The following NUP188 variants were observed in gnomAD, a reference collection of about 807,000 sequenced individuals.
NUP188 encodes nucleoporin NUP188.
In NUP188, 97 loss-of-function variants were observed where a neutral mutation model predicts 223.0. The ratio of observed to expected loss-of-function variants is 0.43; its 90% CI spans 0.37 to 0.51. The LOEUF (loss-of-function observed/expected upper bound fraction) is 0.51, where lower values mean the gene tolerates loss of function less well. Among genes scored for constraint, NUP188 ranks in the 20% least tolerant of loss-of-function variants. The pLI, the probability that NUP188 is intolerant of heterozygous loss-of-function variation, is 0.00. For synonymous variants in NUP188, 869 were observed against 828.0 expected, an observed-to-expected ratio of 1.05 and a Z score of -0.85; for missense variants, 1,947 against 2,175.6, an observed-to-expected ratio of 0.89 and a Z score of 2.09.
chr9:128,968,660 G>C lies in NUP188; in HGVS notation c.740G>C (p.Arg247Thr). 1 of 1,614,160 alleles carries C rather than the reference G, an allele frequency of 6.2e-7. No individual in the cohort carries two copies. Residue 247 changes from arginine (R) to threonine (T), a missense_variant, in exon 9 of 44, where the codon AGG becomes ACG. By Grantham distance (71) the Arg-to-Thr change is moderately conservative. Coordinates refer to ENST00000372577, the MANE Select transcript of NUP188 (RefSeq NM_015354.3). ...TTTAAAGAGCAAGGATTTGGTAGTA[G>C]GCAGACCAATAGGCACCTGGTGGAT... ...KMFKEQGFGS[R>T]QTNRHLVDET...
intron 2 of NUP188, among the ~76,000 whole-genome samples, chr9:128,952,130 G>A (rs930566817): frequency 7.2e-5 from 11 of 152,076 alleles, no homozygotes; most frequent in African/African-American, 2.4e-4. Flanking sequence ...TGGGCCGGGC[G>A]CAGTGGCTCA....
Position 128,984,992 on chromosome 9 carries a change from G to A in NUP188, c.2054G>A (p.Arg685His), listed in dbSNP as rs370228654. The stretch of plus-strand genomic sequence containing the variant: ...TATGGGGTTACTATTGCCTTTCTGC[G>A]CTTGATCACCACCCTTGTCAAGGTA... ...GEYGVTIAFL[R>H]LITTLVKGQL... is the part of the protein sequence containing the mutation. The change falls in exon 20 of 44, where the codon CGC (arginine) becomes CAC (histidine). Residue 685 changes from arginine to histidine, a missense_variant. Arg to His is a conservative substitution (Grantham distance 29). This residue lies in a region of NUP188 where 817 missense variants were observed against 865.8 expected (regional missense o/e 0.94). Coordinates refer to ENST00000372577, the MANE Select transcript of NUP188 (RefSeq NM_015354.3). 57 of 1,612,556 alleles carry A rather than the reference G, an allele frequency of 3.5e-5. No individual in the cohort carries two copies. The highest frequency in any genetic ancestry group is 1.1e-4 in the South Asian group (10 of 90,930).
At chr9:128,970,592 A>G (rs930817889) in intron 10 of NUP188, among the ~76,000 whole-genome samples, 166 bp from the exon 11 acceptor site, 2 of 152,146 alleles carry the variant, frequency 1.3e-5, no homozygotes, top group African/African-American at 4.8e-5. Flanking sequence ...ATTGTAATTG[A>G]GGGGTTTATT....
In NUP188 at chr9:128,958,881, G is replaced by T. The variant is rs200892818; in HGVS notation, c.452G>T (p.Arg151Ile). Residue 151 changes from arginine (R) to isoleucine (I), a missense_variant, in exon 7 of 44, where the codon AGA becomes ATA. Physicochemically the swap from Arg to Ile is moderately conservative, Grantham distance 97 (BLOSUM62 -3). This residue lies in a region of NUP188 where 817 missense variants were observed against 865.8 expected (regional missense o/e 0.94). Transcript: ENST00000372577. ...LHLLTYFQDE[R>I]HPYRVEYADC... ...CTTCTCACTTACTTCCAAGATGAAAGACACCCCTATAGGGTAAGCTTGTTT... is the reference window on the plus strand; with the variant it reads ...CTTCTCACTTACTTCCAAGATGAAATACACCCCTATAGGGTAAGCTTGTTT... 1 of 1,597,490 alleles carries T rather than the reference G, an allele frequency of 6.3e-7. No individual in the cohort carries two copies. Among genetic ancestry groups the T allele is most frequent in the African/African-American group, 1.3e-5 (1 of 74,686 alleles).
intron 12 of NUP188, among the ~76,000 whole-genome samples, chr9:128,977,198 C>T (rs112928918): frequency 0.042 from 6,271 of 150,166 alleles, 416 homozygotes; most frequent in African/African-American, 0.14. Context: ...CGGCTCACTG[C>T]AAGCTCCGCC....
rs1841906882 is a variant in NUP188 at position 128,958,910 on chromosome 9, C to T, written c.465+16C>T. The T allele has an allele frequency of 1.3e-6, 2 of 1,520,486 alleles. No homozygotes were observed. Among genetic ancestry groups the T allele is most frequent in the East Asian group, 2.3e-5 (1 of 44,182 alleles). The allele number at this position is 1,520,486 out of a possible 1,614,324, so 94.2% of individuals were successfully genotyped here. On this transcript the variant is annotated intron_variant, in intron 7 of 43. Coordinates refer to ENST00000372577, the MANE Select transcript of NUP188 (RefSeq NM_015354.3). ...CCCCTATAGGGTAAGCTTGTTTAGT[C>T]CTCTTGCTTCTCTTTATACTGTATC...
At chr9:128,948,122 A>T (rs1050310941) in intron 1 of NUP188, 2 of 196,050 alleles carry the variant, frequency 1.0e-5, no homozygotes, top group South Asian at 1.9e-4. Flanking sequence ...CTCCTGGGGT[A>T]CCCCCCACCC....
intron 12 of NUP188, among the ~76,000 whole-genome samples, chr9:128,978,692 C>G (rs1842213699): frequency 6.6e-6 from 1 of 151,918 alleles, no homozygotes; most frequent in South Asian, 2.1e-4. Flanking sequence ...ACCAACCCAT[C>G]CACCCTTAAG....
intron 8 of NUP188, among the ~76,000 whole-genome samples, chr9:128,967,371 A>C (rs985873700): frequency 6.6e-6 from 1 of 152,154 alleles, no homozygotes; most frequent in Non-Finnish European, 1.5e-5. Context: ...ACATTGTTGC[A>C]GCTGGGTGTA....
Position 128,987,667 on chromosome 9 carries a change from G to A in NUP188, c.2343G>A (p.Met781Ile). The change falls in exon 23 of 44, where the codon ATG becomes ATA. Residue 781 changes from methionine (M) to isoleucine (I), a missense_variant. Met to Ile is a conservative substitution (Grantham distance 10). This residue lies in a region of NUP188 where 225 missense variants were observed against 319.1 expected (regional missense o/e 0.71). Coordinates refer to ENST00000372577, the MANE Select transcript of NUP188 (RefSeq NM_015354.3). ...CAGGACAGACAGTTATCAATATCAT[G>A]GGCATTGGCGTGGACACCATTGACA... ...TEAGQTVINIMGIGVDTIDMV... is the reference protein window; with the variant it reads ...TEAGQTVINIIGIGVDTIDMV... The A allele has an allele frequency of 6.2e-7, 1 of 1,614,038 alleles. No individual in the cohort carries two copies. The highest frequency in any genetic ancestry group is 8.5e-7 in the Non-Finnish European group (1 of 1,179,964).
chr9:128,999,073 G>C (rs958311023), intron 32 of NUP188, 99 bp from the exon 33 acceptor site: 51 of 919,068 alleles, frequency 5.5e-5, no homozygotes, highest in Non-Finnish European at 8.1e-5. Context: ...GGCTGGTCTC[G>C]AACTCCTGAC....
chr9:128,978,495 G>A (rs548514126), intron 12 of NUP188, among the ~76,000 whole-genome samples: 60 of 146,650 alleles, frequency 4.1e-4, no homozygotes, highest in African/African-American at 1.3e-3. Flanking sequence ...CCTGGGAGGC[G>A]GAGCTTGCAG....
At position 128,987,751 on chromosome 9, in the gene NUP188, CT is replaced by C. The variant is rs1244392419; in HGVS notation, c.2393+37del. On this transcript the variant is annotated intron_variant, in intron 23 of 43. Coordinates refer to ENST00000372577, the MANE Select transcript of NUP188 (RefSeq NM_015354.3). ...CCTTCTCCACGTTCCCTTTGTCTGTCTTTATTGTGCCTGCATGTTACTAATA... is the reference window on the plus strand; with the variant it reads ...CCTTCTCCACGTTCCCTTTGTCTGTCTTATTGTGCCTGCATGTTACTAATA... 5.0e-6 allele frequency: 8 copies of C among 1,601,996 alleles called. No homozygotes were observed. In the East Asian group the frequency reaches 1.8e-4, roughly 36 times the overall value.
chr9:128,949,695 C>T (rs1421837422), intron 2 of NUP188, among the ~76,000 whole-genome samples: 1 of 151,734 alleles, frequency 6.6e-6, no homozygotes, highest in African/African-American at 2.4e-5. Flanking sequence ...ACAGCATGAT[C>T]CCAGCTCACT....
At chr9:128,985,050 G>T (rs1396851450) in intron 20 of NUP188, 36 bp downstream of exon 20, 1 of 1,454,112 alleles carries the variant, frequency 6.9e-7, no homozygotes, top group Non-Finnish European at 9.6e-7. Context: ...GGCAGAAAAA[G>T]AAAAGGTCCA....
At chr9:129,003,059 C>T in intron 37 of NUP188, 84 bp downstream of exon 37, 1 of 1,476,946 alleles carries the variant, frequency 6.8e-7, no homozygotes, top group Non-Finnish European at 9.2e-7. Flanking sequence ...GGGTGTGGAG[C>T]CTGGGCCTCA....
chr9:128,968,158 C>T (rs1050992709), intron 8 of NUP188, among the ~76,000 whole-genome samples: 8 of 151,936 alleles, frequency 5.3e-5, no homozygotes, highest in Non-Finnish European at 1.0e-4. Context: ...CCTAACTACT[C>T]GAGAGGCTCA....
chr9:128,973,345 A>G (rs1842128235), intron 12 of NUP188, 96 bp downstream of exon 12: 2 of 778,806 alleles, frequency 2.6e-6, no homozygotes, highest in African/African-American at 1.8e-5. Flanking sequence ...TATTTACCTC[A>G]TGTGTTAATT....
At chr9:128,958,941 A>C in intron 7 of NUP188, 47 bp downstream of exon 7, 1 of 1,413,646 alleles carries the variant, frequency 7.1e-7, no homozygotes, top group Non-Finnish European at 9.6e-7. Context: ...GTATCATCTT[A>C]ATAATTTTAT....
Sources: allele counts gnomAD v4.1 joint callset (sites outside exome capture counted in the v4.1 genomes callset), GRCh38; gene constraint gnomAD v4.1.1; regional missense constraint gnomAD v4.1.1; transcripts MANE v1.5; gene names NCBI Gene and HGNC (gene_info 2026-07-23, HGNC 2026-07-21).